Variants in FRY observed in about 807,000 individuals in gnomAD.
The protein encoded by FRY is FRY microtubule binding protein, also known as protein furry homolog.
A neutral mutation model predicts 348.4 loss-of-function variants in FRY; 128 were observed. The ratio of observed to expected loss-of-function variants is 0.37; its 90% CI spans 0.32 to 0.43. The LOEUF (loss-of-function observed/expected upper bound fraction) is 0.43, where lower values mean the gene tolerates loss of function less well. FRY is among the 20% of genes least tolerant of loss of function. The pLI is 1.00. For missense variants in FRY, 2,736 were observed against 3,695.2 expected (o/e 0.74, Z 6.73); for synonymous variants, 1,370 against 1,374.7 (o/e 1.00, Z 0.08).
Position 32,270,962 on chromosome 13 carries a change from C to T in FRY, c.8136+3603C>T, listed in dbSNP as rs539373760. On this transcript the variant is annotated intron_variant, in intron 55 of 60. Transcript: ENST00000542859. ...AGCTTCTAACTTCATGTCAGTAGAC[C>T]AGCGGGTTCATTACCAAGACCGACA... 8.5e-5 allele frequency among the ~76,000 whole-genome samples: 13 copies of T among 152,300 alleles called. No homozygotes were observed. The South Asian group carries it at 2.7e-3, about 32-fold the overall frequency.
chr13:32,173,654 T>A, intron 19 of FRY, 105 bp downstream of exon 19: 1 of 850,908 alleles, frequency 1.2e-6, no homozygotes, highest in Non-Finnish European at 2.0e-6. Context: ...ACTTTTATGT[T>A]ACATGTAGTG....
At chr13:32,076,228 C>T (rs1056688168) in intron 1 of FRY, among the ~76,000 whole-genome samples, 2 of 152,200 alleles carry the variant, frequency 1.3e-5, no homozygotes, top group African/African-American at 4.8e-5. Context: ...CTTGCAATAA[C>T]TGTATATATT....
At chr13:32,049,611 T>C (rs1253975574) in intron 1 of FRY, among the ~76,000 whole-genome samples, 2 of 152,198 alleles carry the variant, frequency 1.3e-5, no homozygotes, top group Non-Finnish European at 2.9e-5. Context: ...CATAGGTTTT[T>C]AAGCAGGGAA....
In FRY at chr13:32,279,067, A is replaced by G. The variant is rs528007179; in HGVS notation, c.8469+519A>G. On this transcript the variant is annotated intron_variant, in intron 58 of 60. Coordinates refer to ENST00000542859, the MANE Select transcript of FRY (RefSeq NM_023037.3). ...TATTGAGTGCCTCCTGTATGGCCCC[A>G]TGGAGGACACACTCATGAGCAACAG... Among the ~76,000 whole-genome samples the G allele has an allele frequency of 5.9e-5, 9 of 152,312 alleles. No homozygotes were observed. The South Asian group carries it at 1.9e-3, about 32-fold the overall frequency.
intron 1 of FRY, among the ~76,000 whole-genome samples, chr13:32,066,369 G>C (rs1175078445): frequency 6.6e-6 from 1 of 152,144 alleles, no homozygotes; most frequent in Non-Finnish European, 1.5e-5. Context: ...GTTCCCCCTG[G>C]TCATAGGTTA....
chr13:32,157,428 T>G (rs550799871), intron 16 of FRY, 23 bp downstream of exon 16: 1 of 1,607,902 alleles, frequency 6.2e-7, no homozygotes, highest in South Asian at 1.1e-5. Context: ...AAGACTAAGT[T>G]ATCAGTGAAA....
At position 32,179,027 on chromosome 13, in the gene FRY, T is replaced by C; in HGVS notation, c.2865T>C (p.Asp955=). The change falls in exon 22 of 61, where the codon GAT becomes GAC. Residue 955 remains aspartate (D), a synonymous_variant. Transcript: ENST00000542859. ...ATTPDGTVSY[D]NKAIGTPSVG... is the part of the protein sequence containing the mutation. ...CACCTGATGGTACAGTGAGCTACGATAACAAGGTGACATGACATGCTTCAG... is the reference window on the plus strand; with the variant it reads ...CACCTGATGGTACAGTGAGCTACGACAACAAGGTGACATGACATGCTTCAG... 1 of 1,612,090 alleles carries C rather than the reference T, an allele frequency of 6.2e-7. No individual in the cohort carries two copies. The highest frequency in any genetic ancestry group is 1.1e-5 in the South Asian group (1 of 91,034).
At chr13:32,084,199 T>A (rs1566061941) in intron 2 of FRY, among the ~76,000 whole-genome samples, 1 of 152,160 alleles carries the variant, frequency 6.6e-6, no homozygotes, top group East Asian at 1.9e-4. Flanking sequence ...AAGCTCATGG[T>A]GAGGTGGGGT....
chr13:32,069,182 T>C (rs1446069769), intron 1 of FRY, among the ~76,000 whole-genome samples: 1 of 152,170 alleles, frequency 6.6e-6, no homozygotes, highest in African/African-American at 2.4e-5. Flanking sequence ...CCCAAAGTGC[T>C]GGGATTACAG....
At chr13:32,199,222 G>A (rs881917) in intron 29 of FRY, among the ~76,000 whole-genome samples, 63,093 of 151,990 alleles carry the variant, frequency 0.42, 13,325 homozygotes, top group African/African-American at 0.45. Context: ...CTGGCTGAAG[G>A]CAGTTCCCAG....
At chr13:32,090,776 T>G (rs1038277532) in intron 2 of FRY, among the ~76,000 whole-genome samples, 2 of 152,192 alleles carry the variant, frequency 1.3e-5, no homozygotes, top group African/African-American at 4.8e-5. Flanking sequence ...AAATGAAGAT[T>G]AACTTTGTAG....
chr13:32,107,341 T>A lies in FRY; in HGVS notation c.324+5325T>A, dbSNP rs188525528. Among the ~76,000 whole-genome samples, 6 of 152,156 alleles carry A rather than the reference T, an allele frequency of 3.9e-5. No individual in the cohort carries two copies. The East Asian group carries it at 1.2e-3, about 29-fold the overall frequency. ...CACTGCACTCCAGAGTGGGACTCTGTCTCAAAAATAAAAAATAAAAATAAA... is the reference window on the plus strand; with the variant it reads ...CACTGCACTCCAGAGTGGGACTCTGACTCAAAAATAAAAAATAAAAATAAA... On this transcript the variant is annotated intron_variant, in intron 3 of 60. Transcript: ENST00000542859.
At chr13:32,059,458 C>CCA (rs1873811112) in intron 1 of FRY, among the ~76,000 whole-genome samples, 1 of 111,440 alleles carries the variant, frequency 9.0e-6, no homozygotes, top group Non-Finnish European at 1.8e-5. Context: ...ACTTAGGAAG[C>CCA]AAAAAAAAAA....
chr13:32,291,801 C>G (rs556757523), intron 59 of FRY, among the ~76,000 whole-genome samples: 2 of 152,272 alleles, frequency 1.3e-5, no homozygotes, highest in South Asian at 4.1e-4. Flanking sequence ...CAATGGACGA[C>G]TTTGAGAGGC....
chr13:32,085,404 A>G (rs1875790876), intron 2 of FRY, among the ~76,000 whole-genome samples: 1 of 152,208 alleles, frequency 6.6e-6, no homozygotes, highest in African/African-American at 2.4e-5. Flanking sequence ...ATCAATTTTG[A>G]CTTTGTAGAT....
At chr13:32,166,794 A>G (rs758712369) in intron 17 of FRY, among the ~76,000 whole-genome samples, 18 of 152,100 alleles carry the variant, frequency 1.2e-4, no homozygotes, top group Non-Finnish European at 2.4e-4. Context: ...ATTCAGTCTC[A>G]GTTCTGTGGC....
chr13:32,249,649 C>G lies in FRY; in HGVS notation c.7132C>G (p.Leu2378Val). Residue 2378 changes from leucine (L) to valine (V), a missense_variant, in exon 49 of 61, where the codon CTT (leucine) becomes GTT (valine). Leu to Val is a conservative substitution (Grantham distance 32). This residue lies in a region of FRY where 789 missense variants were observed against 996.2 expected (regional missense o/e 0.79). Coordinates refer to ENST00000542859, the MANE Select transcript of FRY (RefSeq NM_023037.3). ...TTCCTCAGGCTCCAACTCCAACGTC[C>G]TTGTTCCAGTGAGCTGGAAAAGGCC... is the stretch of plus-strand genomic sequence containing the variant. ...STSSGSNSNVLVPVSWKRPQY... is the reference protein window; with the variant it reads ...STSSGSNSNVVVPVSWKRPQY... 1 of 1,614,202 alleles carries G rather than the reference C, an allele frequency of 6.2e-7. No homozygotes were observed. Among genetic ancestry groups the G allele is most frequent in the Non-Finnish European group, 8.5e-7 (1 of 1,180,036 alleles).
chr13:32,207,098 A>G (rs974989490), intron 31 of FRY, among the ~76,000 whole-genome samples: 2 of 152,168 alleles, frequency 1.3e-5, no homozygotes, highest in Admixed American at 1.3e-4. Flanking sequence ...TCTTGGTGCT[A>G]TTATCTGTCA....
At chr13:32,042,385 G>A (rs537594834) in intron 1 of FRY, among the ~76,000 whole-genome samples, 1 of 152,298 alleles carries the variant, frequency 6.6e-6, no homozygotes, top group African/African-American at 2.4e-5. Context: ...TTTCCATTTA[G>A]TAATTTGAAA....
Sources: gnomAD v4.1 joint callset for allele counts (sites outside exome capture counted in the v4.1 genomes callset) on GRCh38, gnomAD v4.1.1 for gene constraint, gnomAD v4.1.1 regional missense constraint, MANE v1.5 for transcripts, NCBI Gene and HGNC (gene_info 2026-07-23, HGNC 2026-07-21) for gene names.